Variants in UNC13B observed in about 807,000 individuals in gnomAD.
UNC13B encodes the protein unc-13 homolog B.
Under a neutral mutation model 211.0 loss-of-function variants are expected in UNC13B, and 144 were observed. The observed-to-expected ratio is 0.68, with a 90% CI of 0.60 to 0.78. UNC13B has a LOEUF of 0.78. Ranked by LOEUF, UNC13B falls within the 30% of genes least tolerant of loss-of-function variation. UNC13B has a pLI of 0.00. For synonymous variants in UNC13B, 709 were observed against 725.8 expected (o/e 0.98, Z 0.37); for missense variants, 1,777 against 2,002.0 (o/e 0.89, Z 2.14).
intron 7 of UNC13B, among the ~76,000 whole-genome samples, chr9:35,292,346 T>C (rs1829140316): frequency 6.6e-6 from 1 of 152,222 alleles, no homozygotes; most frequent in Non-Finnish European, 1.5e-5. Flanking sequence ...TAATTTTCCA[T>C]AATTTCCTCT....
intron 1 of UNC13B, among the ~76,000 whole-genome samples, chr9:35,172,618 G>A (rs1821393028): frequency 6.6e-6 from 1 of 152,128 alleles, no homozygotes; most frequent in African/African-American, 2.4e-5. Flanking sequence ...TTAAAATGTT[G>A]TGTTCACCTT....
chr9:35,307,705 T>A lies in UNC13B; in HGVS notation c.8301T>A (p.Asn2767Lys). The change falls in exon 9 of 40, where the codon AAT becomes AAA. Residue 2767 changes from asparagine to lysine, a missense_variant. Coordinates refer to ENST00000635942, the MANE Select transcript of UNC13B (RefSeq NM_001371189.2). The stretch of plus-strand genomic sequence containing the variant: ...CAAGACCACGTTTTGAGATCCCAAA[T>A]GTGACCACTTGGCCAAAGCTTCGTT... ...EQSRPRFEIPNVTTWPKLRLP... is the reference protein window; with the variant it reads ...EQSRPRFEIPKVTTWPKLRLP... The A allele has an allele frequency of 2.5e-6, 1 of 399,036 alleles. No homozygotes were observed. The highest frequency in any genetic ancestry group is 4.4e-6 in the Non-Finnish European group (1 of 226,080). The allele number at this position is 399,036 out of a possible 1,614,324, so 24.7% of individuals were successfully genotyped here.
At chr9:35,353,885 TGTG>T (rs1832871826) in intron 11 of UNC13B, 6 of 955,560 alleles carry the variant, frequency 6.3e-6, no homozygotes, top group Admixed American at 8.6e-5. Context: ...TGAGACCTGG[TGTG>T]GTGGCCAGTT....
intron 11 of UNC13B, chr9:35,360,882 C>G (rs1833368744): frequency 6.6e-6 from 1 of 152,158 alleles, no homozygotes; most frequent in East Asian, 1.9e-4. Context: ...ACTTTGTTAC[C>G]CAGGCTGGTC....
intron 6 of UNC13B, among the ~76,000 whole-genome samples, chr9:35,248,982 A>G (rs935982800): frequency 4.6e-5 from 7 of 151,998 alleles, no homozygotes; most frequent in African/African-American, 7.2e-5. Context: ...ATTATTGTGT[A>G]GGAGTCTAAG....
intron 14 of UNC13B, 21 bp downstream of exon 14, chr9:35,375,222 C>G (rs200489461): frequency 1.2e-6 from 2 of 1,613,160 alleles, no homozygotes; most frequent in South Asian, 2.2e-5. Context: ...CAAGTGCTTT[C>G]GTAAGTCCAC....
At chr9:35,399,574 T>G (rs2132371439) in intron 35 of UNC13B, 75 bp from the exon 36 acceptor site, 3 of 1,600,202 alleles carry the variant, frequency 1.9e-6, no homozygotes, top group Non-Finnish European at 2.6e-6. Context: ...GAATATGCAC[T>G]GGGGGCTGGC....
intron 7 of UNC13B, chr9:35,290,977 C>T (rs1829069825): frequency 7.7e-7 from 1 of 1,301,188 alleles, no homozygotes; most frequent in East Asian, 2.5e-5. Flanking sequence ...AGGTAAGGCA[C>T]ATAATAATTG....
At position 35,398,651 on chromosome 9, in the gene UNC13B, C is replaced by A. The variant is rs1396729614; in HGVS notation, c.11921+9C>A. ...ATGGTGTTTGGAAACAGGTCAGTGA[C>A]CCCACAATACAAGGCCCTCAGAGCC... On this transcript the variant is annotated intron_variant, in intron 32 of 39. Coordinates refer to ENST00000635942, the MANE Select transcript of UNC13B (RefSeq NM_001371189.2). 1.9e-6 allele frequency: 3 copies of A among 1,613,658 alleles called. No individual in the cohort carries two copies. Among genetic ancestry groups the A allele is most frequent in the Non-Finnish European group, 1.7e-6 (2 of 1,179,858 alleles).
chr9:35,265,262 G>T (rs1390224314), intron 7 of UNC13B, among the ~76,000 whole-genome samples: 1 of 152,164 alleles, frequency 6.6e-6, no homozygotes, highest in Non-Finnish European at 1.5e-5. Context: ...AGTTAAATGA[G>T]GTCATAAGGA....
intron 11 of UNC13B, among the ~76,000 whole-genome samples, chr9:35,326,867 G>A (rs1199280245): frequency 3.3e-5 from 5 of 152,190 alleles, no homozygotes; most frequent in Admixed American, 1.3e-4. Context: ...AGGGACTACC[G>A]TAATATCTAT....
chr9:35,312,870 A>G (rs1026051890), intron 10 of UNC13B, among the ~76,000 whole-genome samples: 1 of 152,210 alleles, frequency 6.6e-6, no homozygotes, highest in South Asian at 2.1e-4. Context: ...AGGTTGTTCT[A>G]GAAGCAGCTC....
intron 5 of UNC13B, among the ~76,000 whole-genome samples, chr9:35,238,719 C>A (rs889037281): frequency 3.9e-5 from 6 of 151,904 alleles, no homozygotes; most frequent in African/African-American, 1.5e-4. Flanking sequence ...CCACACCTGG[C>A]TAATTTTTTG....
intron 11 of UNC13B, chr9:35,351,296 A>G (rs1399773975): frequency 3.3e-6 from 4 of 1,200,172 alleles, no homozygotes; most frequent in Non-Finnish European, 4.1e-6. Context: ...TTCACTAGCT[A>G]CAGGATAAAT....
Position 35,398,874 on chromosome 9 carries a change from ATG to A in UNC13B, c.11922-4_11922-3del, listed in dbSNP as rs1486650372. 1.2e-6 allele frequency: 2 copies of A among 1,612,328 alleles called. No homozygotes were observed. Among genetic ancestry groups the A allele is most frequent in the Non-Finnish European group, 1.7e-6 (2 of 1,178,828 alleles). ...GAGGGAAAGGCTACACTGCGGGCAC[ATG>A]TGTAGTTTCCAGGTACGGATTGATG... is the stretch of plus-strand genomic sequence containing the variant. On this transcript the variant is annotated splice_region_variant and splice_polypyrimidine_tract_variant and intron_variant, in intron 32 of 39. Coordinates refer to ENST00000635942, the MANE Select transcript of UNC13B (RefSeq NM_001371189.2).
intron 7 of UNC13B, among the ~76,000 whole-genome samples, chr9:35,263,321 G>T (rs1034823009): frequency 6.9e-6 from 1 of 145,882 alleles, no homozygotes; most frequent in East Asian, 2.0e-4. Context: ...TGAATAATAG[G>T]AACATTTTCA....
chr9:35,260,060 AAAAAC>A lies in UNC13B; in HGVS notation c.526+1011_526+1015del, dbSNP rs1174216682. Among the ~76,000 whole-genome samples the A allele has an allele frequency of 1.9e-4, 29 of 150,038 alleles. No individual in the cohort carries two copies. In the South Asian group the frequency reaches 3.2e-3, roughly 16 times the overall value. Reference sequence around the variant, plus strand: ...CTACAAAAAAAAAAAAAAAAAAAAAAAAAACCAAGTGTGATGGCATGTGCCTGTAG... The same window carrying A: ...CTACAAAAAAAAAAAAAAAAAAAAAACAAGTGTGATGGCATGTGCCTGTAG... On this transcript the variant is annotated intron_variant, in intron 7 of 39. Coordinates refer to ENST00000635942, the MANE Select transcript of UNC13B (RefSeq NM_001371189.2).
At chr9:35,395,530 C>T (rs1342508181) in intron 26 of UNC13B, among the ~76,000 whole-genome samples, 1 of 152,214 alleles carries the variant, frequency 6.6e-6, no homozygotes, top group East Asian at 1.9e-4. Flanking sequence ...AACAAAGTCC[C>T]CAAGGACAGT....
chr9:35,400,182 G>T (rs1323870012), intron 36 of UNC13B, 114 bp from the exon 37 acceptor site: 5 of 1,433,410 alleles, frequency 3.5e-6, no homozygotes, highest in Non-Finnish European at 3.8e-6. Context: ...GGTTCTGTGG[G>T]TGTTCCTGAA....
Sources: allele counts gnomAD v4.1 joint callset (sites outside exome capture counted in the v4.1 genomes callset), GRCh38; gene constraint gnomAD v4.1.1; transcripts MANE v1.5; gene names NCBI Gene and HGNC (gene_info 2026-07-23, HGNC 2026-07-21).